PLK2: variants seen among roughly 807,000 people sequenced by gnomAD.
PLK2 encodes polo like kinase 2.
PLK2 carries 25 observed loss-of-function variants against 78.1 expected under a neutral mutation model. The ratio of observed to expected loss-of-function variants is 0.32; its 90% CI spans 0.23 to 0.45. The LOEUF is 0.45. Ranked by LOEUF, PLK2 falls within the 20% of genes least tolerant of loss-of-function variation. The pLI, the probability that PLK2 is intolerant of heterozygous loss-of-function variation, is 1.00. For synonymous variants in PLK2, 332 were observed against 298.2 expected (o/e 1.11, Z -1.17); for missense variants, 566 against 840.2 (o/e 0.67, Z 4.04).
At position 58,454,640 on chromosome 5, in the gene PLK2, T is replaced by C. The variant is rs150746764; in HGVS notation, c.2001A>G (p.Ser667=). The C allele has an allele frequency of 5.0e-6, 8 of 1,613,934 alleles. No homozygotes were observed. Among genetic ancestry groups the C allele is most frequent in the Non-Finnish European group, 6.8e-6 (8 of 1,179,928 alleles). ...CATATTCCATTCGATTTTTTAATTC[T>C]GATGAACAGCCAGACATCAGCAGAG... The part of the protein sequence containing the change: ...LTTLLMSGCS[S]ELKNRMEYAL... Residue 667 remains serine, a synonymous_variant, in exon 14 of 14, where the codon TCA becomes TCG. Transcript: ENST00000274289.
At chr5:58,456,322 A>G (rs1043897064) in intron 9 of PLK2, 167 bp from the exon 10 acceptor site, 3 of 782,952 alleles carry the variant, frequency 3.8e-6, no homozygotes, top group African/African-American at 3.5e-5. Flanking sequence ...CATGCACTGT[A>G]AAACTAAAAG....
rs1220797866 is a variant in PLK2 at position 58,459,787 on chromosome 5, T to C, written c.173A>G (p.His58Arg). 3.1e-6 allele frequency: 5 copies of C among 1,607,872 alleles called. No individual in the cohort carries two copies. The highest frequency in any genetic ancestry group is 4.2e-6 in the Non-Finnish European group (5 of 1,179,760). The change falls in exon 1 of 14, where the codon CAC becomes CGC. Residue 58 changes from histidine (H) to arginine (R), a missense_variant. Transcript: ENST00000274289. ...CCCCGAGTGCGAATGGTGGTGATGGTGGTGAGGGGCCGCCGGGGGCACTTG... is the reference window on the plus strand; with the variant it reads ...CCCCGAGTGCGAATGGTGGTGATGGCGGTGAGGGGCCGCCGGGGGCACTTG... ...QAQVPPAAPHHHHHHSHSGPE... is the reference protein window; with the variant it reads ...QAQVPPAAPHRHHHHSHSGPE...
rs754664734 is a variant in PLK2, at chr5:58,458,125, G to A, written c.672C>T (p.Phe224=). The A allele has an allele frequency of 8.7e-5, 141 of 1,613,280 alleles. No homozygotes were observed. The highest frequency in any genetic ancestry group is 1.6e-4 in the East Asian group (7 of 44,882). The part of the protein sequence containing the change: ...NEAMELKVGD[F]GLAARLEPLE... Reference sequence around the variant, plus strand: ...AGGGTTCTAGCCTGGCTGCCAGACCGAAGTCCCCAACTTTTAGTTCCATGG... The same window carrying A: ...AGGGTTCTAGCCTGGCTGCCAGACCAAAGTCCCCAACTTTTAGTTCCATGG... The change falls in exon 5 of 14, where the codon TTC becomes TTT. Residue 224 remains phenylalanine (F), a synonymous_variant. Transcript: ENST00000274289.
At chr5:58,459,184 AG>A in intron 1 of PLK2, 92 bp from the exon 2 acceptor site, 4 of 741,422 alleles carry the variant, frequency 5.4e-6, no homozygotes, top group Admixed American at 2.4e-5. Context: ...AAGAAAGAAA[AG>A]CAAAAAAAAA....
In PLK2 at chr5:58,459,867, C is replaced by T; in HGVS notation, c.93G>A (p.Lys31=). 3.1e-6 allele frequency: 5 copies of T among 1,611,514 alleles called. No individual in the cohort carries two copies. Among genetic ancestry groups the T allele is most frequent in the Non-Finnish European group, 4.2e-6 (5 of 1,179,780 alleles). The stretch of plus-strand genomic sequence containing the variant: ...CGGGGGGCTGCGGCGGCCGCTTCTT[C>T]TTCGAGTCCGCTCCGCAACCCTTGC... ...ALGKGCGADS[K]KKRPPQPPEE... is the part of the protein sequence containing the mutation. The change falls in exon 1 of 14, where the codon AAG becomes AAA. Residue 31 remains lysine, a synonymous_variant. Coordinates refer to ENST00000274289, the MANE Select transcript of PLK2 (RefSeq NM_006622.4).
At chr5:58,456,802 G>T (rs928772793) in intron 8 of PLK2, 143 bp downstream of exon 8, 1 of 641,076 alleles carries the variant, frequency 1.6e-6, no homozygotes, top group Admixed American at 3.2e-5. Context: ...TCAAGGTATG[G>T]ATTTATTATG....
chr5:58,455,800 G>A (rs1383624341), intron 10 of PLK2, 21 bp from the exon 11 acceptor site: 8 of 1,609,924 alleles, frequency 5.0e-6, no homozygotes, highest in Middle Eastern at 1.7e-4. Context: ...AGACAGAAAT[G>A]TTTCAAGTTA....
chr5:58,458,938 C>A lies in PLK2; in HGVS notation c.378+47G>T. On this transcript the variant is annotated intron_variant, in intron 2 of 13. Transcript: ENST00000274289. ...AAGACATTTTCCTAACAGGGAAGGG[C>A]CATCCTTGCACACAAAGAAAATACT... is the stretch of plus-strand genomic sequence containing the variant. 3.0e-6 allele frequency: 4 copies of A among 1,340,302 alleles called. No homozygotes were observed. The South Asian group carries it at 4.7e-5, about 16-fold the overall frequency. The allele number at this position is 1,340,302 out of a possible 1,614,324, so 83.0% of individuals were successfully genotyped here.
Position 58,455,358 on chromosome 5 carries a change from G to A in PLK2, c.1682C>T (p.Ala561Val). The A allele has an allele frequency of 1.2e-6, 2 of 1,613,678 alleles. No homozygotes were observed. The highest frequency in any genetic ancestry group is 1.7e-6 in the Non-Finnish European group (2 of 1,179,614). ...CACTTGACTAATAAATTGCTCAGGA[G>A]CATCTGTTGCTGGGAAAACTGAGCA... ...GQCSVFPATD[A>V]PEQFISQVTV... Residue 561 changes from alanine to valine, a missense_variant, in exon 12 of 14, where the codon GCT (alanine) becomes GTT (valine). Coordinates refer to ENST00000274289, the MANE Select transcript of PLK2 (RefSeq NM_006622.4).
rs15009 is a variant in PLK2, at chr5:58,454,523, C to G, written c.*60G>C. 439,651 of 1,160,710 alleles carry G rather than the reference C, an allele frequency of 0.38. 86,657 individuals are homozygous for G. Among genetic ancestry groups the G allele is most frequent in the East Asian group, 0.65 (27,678 of 42,596 alleles). 71.9% of individuals were successfully genotyped at this position (1,160,710 alleles called of 1,614,324 possible). ...AACATACTCTAGATCATTCTTTTGGCTTCCCTGTAGATCTCACAGTGGAAA... is the reference window on the plus strand; with the variant it reads ...AACATACTCTAGATCATTCTTTTGGGTTCCCTGTAGATCTCACAGTGGAAA... On this transcript the variant is annotated 3_prime_UTR_variant, in exon 14 of 14. Transcript: ENST00000274289.
rs1045906003 is a variant in PLK2, at chr5:58,456,648, G to T, written c.1157-59C>A. 2.5e-5 allele frequency: 27 copies of T among 1,090,500 alleles called. No homozygotes were observed. In the African/African-American group the frequency reaches 3.6e-4, roughly 15 times the overall value. 67.6% of individuals were successfully genotyped at this position (1,090,500 alleles called of 1,614,324 possible). On this transcript the variant is annotated intron_variant, in intron 8 of 13. Transcript: ENST00000274289. ...TCTATCTTAACAAGGTAGGAACAGG[G>T]TTAGTCATATTTTCTCCTTCTTGCA...
rs189759177 is a variant in PLK2, at chr5:58,456,830, T to C, written c.1156+115A>G. 1.2e-3 allele frequency: 810 copies of C among 698,434 alleles called. 6 individuals are homozygous for C. In the African/African-American group the frequency reaches 0.013, roughly 11 times the overall value. The allele number at this position is 698,434 out of a possible 1,614,324, so 43.3% of individuals were successfully genotyped here. ...TTATTATGCTATAAATATCAACATT[T>C]AAGAATACGCAAATATGGCCAAGTT... is the stretch of plus-strand genomic sequence containing the variant. On this transcript the variant is annotated intron_variant, in intron 8 of 13. Transcript: ENST00000274289.
Position 58,455,333 on chromosome 5 carries a change from C to G in PLK2, c.1707G>C (p.Val569=), listed in dbSNP as rs1206548664. Residue 569 remains valine, a synonymous_variant, in exon 12 of 14, where the codon GTG becomes GTC. Transcript: ENST00000274289. Reference sequence around the variant, plus strand: ...AATGAGAAAAGTATTTCAGCACCGTCACTTGACTAATAAATTGCTCAGGAG... The same window carrying G: ...AATGAGAAAAGTATTTCAGCACCGTGACTTGACTAATAAATTGCTCAGGAG... ...TDAPEQFISQ[V]TVLKYFSHYM... is the part of the protein sequence containing the mutation. 1 of 1,613,932 alleles carries G rather than the reference C, an allele frequency of 6.2e-7. No individual in the cohort carries two copies. The highest frequency in any genetic ancestry group is 2.2e-5 in the East Asian group (1 of 44,888).
Position 58,454,965 on chromosome 5 carries a change from C to G in PLK2, c.1812G>C (p.Gln604His). Reference protein sequence around the residue: ...DIRRPRLYLLQWLKSDKALMM... With the variant: ...DIRRPRLYLLHWLKSDKALMM... Reference sequence around the variant, plus strand: ...TTAGGGCCTTATCAGATTTTAGCCACTGAAGGAGGTAGAGCCGAGGTCTTC... The same window carrying G: ...TTAGGGCCTTATCAGATTTTAGCCAGTGAAGGAGGTAGAGCCGAGGTCTTC... The change falls in exon 13 of 14, where the codon CAG becomes CAC. Residue 604 changes from glutamine to histidine, a missense_variant. By Grantham distance (24) the Gln-to-His change is conservative (BLOSUM62 0). Coordinates refer to ENST00000274289, the MANE Select transcript of PLK2 (RefSeq NM_006622.4). 6.2e-7 allele frequency: 1 copy of G among 1,613,530 alleles called. No homozygotes were observed. The highest frequency in any genetic ancestry group is 8.5e-7 in the Non-Finnish European group (1 of 1,179,498).
Position 58,459,301 on chromosome 5 carries a change from CTCT to C in PLK2, c.271-212_271-210del, listed in dbSNP as rs551955798. The C allele has an allele frequency of 6.0e-3, 3,516 of 585,676 alleles. 19 individuals carry two copies. The highest frequency in any genetic ancestry group is 7.3e-3 in the Non-Finnish European group (2,432 of 332,688). 36.3% of individuals were successfully genotyped at this position (585,676 alleles called of 1,614,324 possible). A position where few individuals can be genotyped will look rare whatever the true frequency, so the allele number is the denominator to read the frequency against. ...TGGAAACAGCAAGTTCAAACAGTTT[CTCT>C]TCTTCTTTTATAAAGGGGAGCTTTA... On this transcript the variant is annotated intron_variant, in intron 1 of 13. Coordinates refer to ENST00000274289, the MANE Select transcript of PLK2 (RefSeq NM_006622.4).
chr5:58,458,015 A>T, intron 5 of PLK2, 69 bp downstream of exon 5: 1 of 897,132 alleles, frequency 1.1e-6, no homozygotes. Context: ...TGAAACATTA[A>T]ATGCAAAATA....
chr5:58,458,389 A>C lies in PLK2; in HGVS notation c.625+10T>G. ...AACACAAAACTCAGCTTTTGGCGTC[A>C]ATGACTTACCTAGTTTGAGATCTCT... On this transcript the variant is annotated intron_variant, in intron 4 of 13. Coordinates refer to ENST00000274289, the MANE Select transcript of PLK2 (RefSeq NM_006622.4). 6.2e-7 allele frequency: 1 copy of C among 1,613,762 alleles called. No homozygotes were observed. The highest frequency in any genetic ancestry group is 8.5e-7 in the Non-Finnish European group (1 of 1,179,650).
rs1053378116 is a variant in PLK2 at position 58,458,858 on chromosome 5, G to C, written c.379-17C>G. ...TTTGTCAATCTAAATGAAAAAGCAA[G>C]GTAAGGCTTATTAGCTTCCAGTCAC... On this transcript the variant is annotated splice_polypyrimidine_tract_variant and intron_variant, in intron 2 of 13. Transcript: ENST00000274289. The C allele has an allele frequency of 2.0e-6, 3 of 1,498,664 alleles. No individual in the cohort carries two copies. In the African/African-American group the frequency reaches 4.1e-5, roughly 21 times the overall value. 92.8% of individuals were successfully genotyped at this position (1,498,664 alleles called of 1,614,324 possible). A position where few individuals can be genotyped will look rare whatever the true frequency, so the allele number is the denominator to read the frequency against.
chr5:58,458,212 T>C (rs772339636), intron 4 of PLK2, 41 bp from the exon 5 acceptor site: 1 of 1,444,124 alleles, frequency 6.9e-7, no homozygotes, highest in South Asian at 1.1e-5. Flanking sequence ...CCTTTGAAAA[T>C]GCGTTCTAAC....
Sources: gnomAD v4.1 joint callset for allele counts on GRCh38, gnomAD v4.1.1 for gene constraint, MANE v1.5 for transcripts, NCBI Gene and HGNC (gene_info 2026-07-23, HGNC 2026-07-21) for gene names.